PRELID2: variants seen among roughly 807,000 people sequenced by gnomAD.
The protein encoded by PRELID2 is PRELI domain containing 2.
PRELID2 carries 25 observed loss-of-function variants against 28.4 expected under a neutral mutation model. The observed-to-expected ratio is 0.88, with a 90% CI of 0.64 to 1.23. PRELID2 has a LOEUF of 1.23. PRELID2 is among the 50% of genes most tolerant of loss of function. The probability of loss-of-function intolerance (pLI) is 0.00; values close to 1 mark genes in which losing one functional copy is unlikely to be tolerated. For missense variants in PRELID2, 201 were observed against 214.4 expected, an observed-to-expected ratio of 0.94 and a Z score of 0.39; for synonymous variants, 76 against 71.6, an observed-to-expected ratio of 1.06 and a Z score of -0.31.
At chr5:145,458,323 T>A in the PRELID2 span, among the ~76,000 whole-genome samples, 1 of 152,230 alleles carries the variant, frequency 6.6e-6, no homozygotes, top group Admixed American at 6.5e-5. Context: ...GGAATTCAGC[T>A]AGTAAAAACC....
chr5:145,522,811 G>T (rs759099837), intron 1 of PRELID2, among the ~76,000 whole-genome samples: 1 of 151,232 alleles, frequency 6.6e-6, no homozygotes, highest in Non-Finnish European at 1.5e-5. Context: ...GGATGAGAGG[G>T]GGAGGAGGAG....
intron 1 of PRELID2, among the ~76,000 whole-genome samples, chr5:145,690,145 C>A (rs1383247703): frequency 6.6e-6 from 1 of 151,938 alleles, no homozygotes; most frequent in African/African-American, 2.4e-5. Context: ...GCACACCAAA[C>A]CACGCCCGGC....
At chr5:145,824,804 C>T (rs758485814) in intron 1 of PRELID2, among the ~76,000 whole-genome samples, 15 of 152,152 alleles carry the variant, frequency 9.9e-5, no homozygotes, top group Non-Finnish European at 1.6e-4. Flanking sequence ...CTTCATGTTT[C>T]ATGTTGGTAA....
At chr5:145,426,916 C>T in the PRELID2 span, among the ~76,000 whole-genome samples, 11 of 152,198 alleles carry the variant, frequency 7.2e-5, no homozygotes, top group South Asian at 2.1e-4. Context: ...TAGGATCCCA[C>T]GCATGGAGGC....
At chr5:145,407,223 C>A in the PRELID2 span, among the ~76,000 whole-genome samples, 1 of 152,146 alleles carries the variant, frequency 6.6e-6, no homozygotes, top group African/African-American at 2.4e-5. Context: ...GGAGCAAGAA[C>A]TCAGCCCTGT....
chr5:145,638,587 G>A (rs542604702), intron 1 of PRELID2, among the ~76,000 whole-genome samples: 8 of 152,288 alleles, frequency 5.3e-5, no homozygotes, highest in Admixed American at 3.9e-4. Context: ...CCTTAACAGT[G>A]TTTGTTGAGT....
chr5:145,711,055 C>T (rs1478414384), intron 1 of PRELID2, among the ~76,000 whole-genome samples: 1 of 152,188 alleles, frequency 6.6e-6, no homozygotes, highest in Non-Finnish European at 1.5e-5. Flanking sequence ...CCTTGACCCT[C>T]AGCTCAAACC....
intron 5 of PRELID2, among the ~76,000 whole-genome samples, chr5:145,780,731 A>G (rs1040350066): frequency 6.6e-5 from 10 of 152,248 alleles, no homozygotes; most frequent in Non-Finnish European, 1.3e-4. Context: ...ATAGGTATTA[A>G]CAAATGTTAA....
intron 5 of PRELID2, among the ~76,000 whole-genome samples, chr5:145,783,508 A>G (rs1377376912): frequency 6.6e-6 from 1 of 152,252 alleles, no homozygotes; most frequent in African/African-American, 2.4e-5. Flanking sequence ...TCTAGAAATA[A>G]GCTGTTAAAA....
rs148531864 is a variant in PRELID2, at chr5:145,790,701, T to TTGTGTGTGTGTGTG, written c.474+5727_474+5740dup. ...ATAAGCTTGAATTAATAATTCCACA[T>TTGTGTGTGTGTGTG]TGTGTGTGTGTGTGTGTGTGTATAT... On this transcript the variant is annotated intron_variant, in intron 5 of 6. Transcript: ENST00000683046. 2.1e-3 allele frequency among the ~76,000 whole-genome samples: 223 copies of TTGTGTGTGTGTGTG among 104,926 alleles called. 2 individuals are homozygous for TTGTGTGTGTGTGTG. Among genetic ancestry groups the TTGTGTGTGTGTGTG allele is most frequent in the African/African-American group, 5.3e-3 (166 of 31,614 alleles). The allele number at this position is 104,926 out of a possible 152,430, so 68.8% of individuals were successfully genotyped here.
intron 1 of PRELID2, among the ~76,000 whole-genome samples, chr5:145,695,545 A>G (rs926817163): frequency 6.6e-5 from 10 of 152,192 alleles, no homozygotes; most frequent in Admixed American, 6.5e-4. Context: ...TTGTCCCATG[A>G]CATCACCCTT....
intron 1 of PRELID2, among the ~76,000 whole-genome samples, chr5:145,573,903 T>C (rs1000096618): frequency 6.6e-6 from 1 of 152,164 alleles, no homozygotes; most frequent in East Asian, 1.9e-4. Context: ...ATGATTACCA[T>C]TTTATAAACT....
the PRELID2 span, among the ~76,000 whole-genome samples, chr5:145,454,760 G>A: frequency 2.6e-5 from 4 of 151,986 alleles, no homozygotes; most frequent in Admixed American, 6.6e-5. Flanking sequence ...CATGTTTGTT[G>A]GTCACATAAA....
At chr5:145,526,223 G>A (rs184324890) in intron 1 of PRELID2, among the ~76,000 whole-genome samples, 706 of 152,252 alleles carry the variant, frequency 4.6e-3, no homozygotes, top group Non-Finnish European at 6.9e-3. Flanking sequence ...CAGGTGATGG[G>A]ACTCATCCAA....
chr5:145,465,589 C>T, the PRELID2 span, among the ~76,000 whole-genome samples: 2 of 152,102 alleles, frequency 1.3e-5, no homozygotes, highest in Admixed American at 6.6e-5. Flanking sequence ...AGCTACTTAA[C>T]TTTTCCATGT....
At chr5:145,424,599 G>T in the PRELID2 span, among the ~76,000 whole-genome samples, 1 of 152,152 alleles carries the variant, frequency 6.6e-6, no homozygotes, top group African/African-American at 2.4e-5. Flanking sequence ...TTCGGCTCGC[G>T]CACGGTGCGC....
chr5:145,787,237 G>A (rs1414378750), intron 5 of PRELID2, among the ~76,000 whole-genome samples: 1 of 152,158 alleles, frequency 6.6e-6, no homozygotes, highest in African/African-American at 2.4e-5. Context: ...TAAAGATTCA[G>A]ACAAACTAGG....
At chr5:145,621,484 A>T (rs1157508575) in intron 1 of PRELID2, among the ~76,000 whole-genome samples, 1 of 152,212 alleles carries the variant, frequency 6.6e-6, no homozygotes, top group African/African-American at 2.4e-5. Context: ...AAGCCAAAAA[A>T]GTAGACACAA....
At chr5:145,678,656 T>C (rs1561541715) in intron 1 of PRELID2, among the ~76,000 whole-genome samples, 1 of 152,178 alleles carries the variant, frequency 6.6e-6, no homozygotes, top group Non-Finnish European at 1.5e-5. Context: ...ACTAGTACTG[T>C]CAATATACCC....
Sources: gnomAD v4.1 joint callset for allele counts (sites outside exome capture counted in the v4.1 genomes callset) on GRCh38, gnomAD v4.1.1 for gene constraint, MANE v1.5 for transcripts, NCBI Gene and HGNC (gene_info 2026-07-23, HGNC 2026-07-21) for gene names.